The following CDYL variants were observed in gnomAD, a reference collection of about 807,000 sequenced individuals.
CDYL encodes chromodomain Y-like protein.
In CDYL, 8 loss-of-function variants were observed where a neutral mutation model predicts 47.3. That is an observed-to-expected ratio of 0.17 (90% CI 0.10 to 0.31). The LOEUF is 0.31. Among genes scored for constraint, CDYL ranks in the 10% least tolerant of loss-of-function variants. The probability of loss-of-function intolerance (pLI) is 1.00; values close to 1 mark genes in which losing one functional copy is unlikely to be tolerated. For missense variants in CDYL, 471 were observed against 701.4 expected, an observed-to-expected ratio of 0.67 and a Z score of 3.71; for synonymous variants, 266 against 265.0, an observed-to-expected ratio of 1.00 and a Z score of -0.04.
intron 1 of CDYL, among the ~76,000 whole-genome samples, chr6:4,839,393 T>C (rs926875477): frequency 3.3e-5 from 5 of 152,274 alleles, no homozygotes; most frequent in African/African-American, 4.8e-5. Context: ...GCTGATTGTT[T>C]ATTTTGCTTT....
At chr6:4,913,841 A>G (rs1284344113) in intron 2 of CDYL, among the ~76,000 whole-genome samples, 5 of 152,264 alleles carry the variant, frequency 3.3e-5, no homozygotes, top group Non-Finnish European at 7.3e-5. Flanking sequence ...ACAAAACTTT[A>G]TTCACAAAAA....
In CDYL at chr6:4,776,753, G is replaced by GGC; in HGVS notation, c.-31_-30insGC. 1 of 696,752 alleles carries GGC rather than the reference G, an allele frequency of 1.4e-6. No homozygotes were observed. The highest frequency in any genetic ancestry group is 1.9e-6 in the Non-Finnish European group (1 of 517,356). 43.2% of individuals were successfully genotyped at this position (696,752 alleles called of 1,614,324 possible). A position where few individuals can be genotyped will look rare whatever the true frequency, so the allele number is the denominator to read the frequency against. The stretch of plus-strand genomic sequence containing the variant: ...CGGCGCCGGCGCCCGCCCCGACCCT[G>GGC]CCCCTCCCGCCCGCAACTCCGCCGC... On this transcript the variant is annotated 5_prime_UTR_variant, in exon 1 of 7. Transcript: ENST00000397588.
chr6:4,852,416 T>TCTTC, intron 1 of CDYL, among the ~76,000 whole-genome samples: 1 of 128,114 alleles, frequency 7.8e-6, no homozygotes, highest in Non-Finnish European at 1.6e-5. Flanking sequence ...TTCCTTCCAA[T>TCTTC]CTTCCTTCCT....
intron 2 of CDYL, among the ~76,000 whole-genome samples, chr6:4,908,113 CTAGT>C: frequency 6.6e-6 from 1 of 152,184 alleles, no homozygotes. Context: ...TTCTAGCACC[CTAGT>C]TAGAGGAACA....
At chr6:4,931,731 G>T (rs911887779) in intron 2 of CDYL, among the ~76,000 whole-genome samples, 1 of 152,124 alleles carries the variant, frequency 6.6e-6, no homozygotes, top group Non-Finnish European at 1.5e-5. Context: ...CATTGGGGTG[G>T]GGTGTGGTCG....
intron 2 of CDYL, among the ~76,000 whole-genome samples, chr6:4,934,659 G>A (rs576626584): frequency 7.0e-4 from 107 of 152,278 alleles, no homozygotes; most frequent in Admixed American, 1.5e-3. Flanking sequence ...ACAGACAGGA[G>A]GATAATTATT....
chr6:4,859,605 G>T (rs930167860), intron 1 of CDYL, among the ~76,000 whole-genome samples: 1 of 152,200 alleles, frequency 6.6e-6, no homozygotes, highest in African/African-American at 2.4e-5. Flanking sequence ...TAGGTAATTA[G>T]ATTATTTTGA....
intron 6 of CDYL, 145 bp downstream of exon 6, chr6:4,952,554 T>TTGCCGCCAC: frequency 2.4e-6 from 2 of 824,766 alleles, no homozygotes. Context: ...CCAGAACCTA[T>TTGCCGCCAC]TGCCGCCACT....
At chr6:4,779,036 CAGTA>C (rs1431974396) in intron 1 of CDYL, among the ~76,000 whole-genome samples, 1 of 152,186 alleles carries the variant, frequency 6.6e-6, no homozygotes, top group Non-Finnish European at 1.5e-5. Context: ...GGCAAGCACC[CAGTA>C]AGTGATGATG....
intron 1 of CDYL, among the ~76,000 whole-genome samples, chr6:4,788,085 TATAGTC>T (rs1431484186): frequency 6.6e-6 from 1 of 152,074 alleles, no homozygotes; most frequent in Non-Finnish European, 1.5e-5. Context: ...ATTCGAGTCT[TATAGTC>T]ATAATTCCAC....
At position 4,764,246 on chromosome 6, in the gene CDYL, A is replaced by C. The variant is rs77615689; in HGVS notation, c.186+29402A>C. On this transcript the variant is annotated intron_variant, in intron 3 of 8. Transcript: ENST00000328908. ...AACACATTTGGAGAAAGATTTAGCT[A>C]TCATACAAACACAAAAGAAATTTGG... is the stretch of plus-strand genomic sequence containing the variant. 1.7e-4 allele frequency among the ~76,000 whole-genome samples: 26 copies of C among 152,310 alleles called. No individual in the cohort carries two copies. The East Asian group carries it at 4.8e-3, about 28-fold the overall frequency.
At chr6:4,788,570 T>C (rs1758825493) in intron 1 of CDYL, among the ~76,000 whole-genome samples, 1 of 149,574 alleles carries the variant, frequency 6.7e-6, no homozygotes, top group Admixed American at 6.7e-5. Flanking sequence ...AAAGGAACCC[T>C]TGGGGCAAAT....
In CDYL at chr6:4,952,310, G is replaced by A. The variant is rs777838941; in HGVS notation, c.1377G>A (p.Glu459=). The change falls in exon 6 of 7, where the codon GAG becomes GAA. Residue 459 remains glutamate, a synonymous_variant. Coordinates refer to ENST00000397588, the MANE Select transcript of CDYL (RefSeq NM_004824.4). The part of the protein sequence containing the change: ...LLSGRKLTAQ[E]ACGKGLVSQV... ...GTGGACGGAAGCTGACAGCGCAGGA[G>A]GCGTGTGGCAAGGGCCTGGTCTCCC... 6 of 1,614,188 alleles carry A rather than the reference G, an allele frequency of 3.7e-6. No homozygotes were observed. In the South Asian group the frequency reaches 5.5e-5, roughly 15 times the overall value.
chr6:4,802,514 G>A (rs1046525956), intron 1 of CDYL, among the ~76,000 whole-genome samples: 3 of 152,128 alleles, frequency 2.0e-5, no homozygotes, highest in Non-Finnish European at 2.9e-5. Context: ...ATTCCAGCCT[G>A]GGTGACAGAG....
intron 3 of CDYL, among the ~76,000 whole-genome samples, chr6:4,751,300 C>T (rs970409917): frequency 3.9e-5 from 6 of 152,102 alleles, no homozygotes; most frequent in South Asian, 2.1e-4. Flanking sequence ...CTTGGGAATC[C>T]GTTAGAAATG....
At chr6:4,895,102 T>C (rs1762183926) in intron 2 of CDYL, among the ~76,000 whole-genome samples, 1 of 151,466 alleles carries the variant, frequency 6.6e-6, no homozygotes, top group Non-Finnish European at 1.5e-5. Flanking sequence ...TACATGTGTG[T>C]ATATGTATCT....
intron 1 of CDYL, among the ~76,000 whole-genome samples, chr6:4,845,533 G>A (rs769267333): frequency 6.6e-6 from 1 of 152,178 alleles, no homozygotes; most frequent in Non-Finnish European, 1.5e-5. Context: ...ATTAACAGTA[G>A]TGTTTAACCT....
intron 1 of CDYL, among the ~76,000 whole-genome samples, chr6:4,830,260 AAC>A (rs1320176663): frequency 6.6e-6 from 1 of 152,246 alleles, no homozygotes; most frequent in Admixed American, 6.5e-5. Context: ...TTATATAATA[AAC>A]AGTGTTAATA....
intron 1 of CDYL, among the ~76,000 whole-genome samples, chr6:4,883,052 C>T (rs979187900): frequency 1.3e-5 from 2 of 152,164 alleles, no homozygotes; most frequent in Admixed American, 6.5e-5. Context: ...TCTGTGTAAG[C>T]GACCTAAAAT....
Sources: gnomAD v4.1 joint callset for allele counts (sites outside exome capture counted in the v4.1 genomes callset) on GRCh38, gnomAD v4.1.1 for gene constraint, MANE v1.5 for transcripts, NCBI Gene and HGNC (gene_info 2026-07-23, HGNC 2026-07-21) for gene names.